The following NFKB1 variants were observed in gnomAD, a reference collection of about 807,000 sequenced individuals.
The protein encoded by NFKB1 is nuclear factor kappa B subunit 1.
A neutral mutation model predicts 105.1 loss-of-function variants in NFKB1; 9 were observed. The observed-to-expected ratio is 0.09, with a 90% CI of 0.05 to 0.15. NFKB1 has a LOEUF of 0.15. Among genes scored for constraint, NFKB1 ranks in the 10% least tolerant of loss-of-function variants. The pLI is 1.00. For synonymous variants in NFKB1, 440 were observed against 442.2 expected (o/e 1.00, Z 0.06); for missense variants, 830 against 1,203.7 (o/e 0.69, Z 4.59).
At chr4:102,537,724 C>G in intron 4 of NFKB1, 134 bp from the exon 5 acceptor site, 1 of 476,494 alleles carries the variant, frequency 2.1e-6, no homozygotes, top group Non-Finnish European at 3.8e-6. Flanking sequence ...GTTTACGGAG[C>G]CCTCTTTCAC....
chr4:102,610,706 G>A lies in NFKB1; in HGVS notation c.2352+7G>A. 6.2e-7 allele frequency: 1 copy of A among 1,613,504 alleles called. No individual in the cohort carries two copies. The highest frequency in any genetic ancestry group is 8.5e-7 in the Non-Finnish European group (1 of 1,179,604). On this transcript the variant is annotated splice_region_variant and intron_variant, in intron 20 of 23. Coordinates refer to ENST00000226574, the MANE Select transcript of NFKB1 (RefSeq NM_003998.4). ...TATGGCCACCAGCTGGCAGGTGAGT[G>A]CCGCTCCATCTGTCTGATGGCTGCC... is the stretch of plus-strand genomic sequence containing the variant.
rs1227469577 is a variant in NFKB1 at position 102,578,924 on chromosome 4, C to A, written c.615C>A (p.Thr205=). 2 of 1,613,952 alleles carry A rather than the reference C, an allele frequency of 1.2e-6. No homozygotes were observed. Among genetic ancestry groups the A allele is most frequent in the African/African-American group, 2.7e-5 (2 of 74,888 alleles). The change falls in exon 8 of 24, where the codon ACC becomes ACA. Residue 205 remains threonine (T), a synonymous_variant. Transcript: ENST00000226574. The part of the protein sequence containing the change: ...ELIRQAALQQ[T]KEMDLSVVRL... Reference sequence around the variant, plus strand: ...TCCGCCAAGCAGCTCTGCAGCAGACCAAGGAGATGGACCTCAGCGTGGTGC... The same window carrying A: ...TCCGCCAAGCAGCTCTGCAGCAGACAAAGGAGATGGACCTCAGCGTGGTGC...
intron 5 of NFKB1, among the ~76,000 whole-genome samples, chr4:102,545,309 C>G (rs897798085): frequency 1.3e-5 from 2 of 152,102 alleles, no homozygotes; most frequent in Non-Finnish European, 2.9e-5. Context: ...TGGACATGGG[C>G]TGGAAAGTGC....
Position 102,578,455 on chromosome 4 carries a change from G to T in NFKB1, c.572-426G>T, listed in dbSNP as rs1041995786. The T allele has an allele frequency of 3.2e-5, 6 of 188,456 alleles. No individual in the cohort carries two copies. In the South Asian group the frequency reaches 7.3e-4, roughly 23 times the overall value. The allele number at this position is 188,456 out of a possible 1,614,324, so 11.7% of individuals were successfully genotyped here. A position where few individuals can be genotyped will look rare whatever the true frequency, so the allele number is the denominator to read the frequency against. On this transcript the variant is annotated intron_variant, in intron 7 of 23. Transcript: ENST00000226574. ...CTACTATGTGCCAGGCTGTCTGCTT[G>T]GCACTGTGGAATGAGCTCACTCCCT...
chr4:102,597,077 AC>A (rs1726679888), intron 14 of NFKB1, among the ~76,000 whole-genome samples: 1 of 152,150 alleles, frequency 6.6e-6, no homozygotes, highest in Admixed American at 6.5e-5. Flanking sequence ...GGCTCATTGA[AC>A]GTCTCTGTTT....
chr4:102,546,210 CT>C (rs1464907205), intron 5 of NFKB1, among the ~76,000 whole-genome samples: 2 of 152,006 alleles, frequency 1.3e-5, no homozygotes, highest in African/African-American at 4.8e-5. Context: ...GTATCTTTAG[CT>C]TTATTTATTC....
chr4:102,527,557 A>C (rs77941271), intron 2 of NFKB1, among the ~76,000 whole-genome samples: 1 of 152,216 alleles, frequency 6.6e-6, no homozygotes, highest in Non-Finnish European at 1.5e-5. Flanking sequence ...TATAGCATTT[A>C]TCACTTCGGG....
At chr4:102,559,254 G>A (rs747050788) in intron 5 of NFKB1, among the ~76,000 whole-genome samples, 1 of 152,110 alleles carries the variant, frequency 6.6e-6, no homozygotes, top group Non-Finnish European at 1.5e-5. Flanking sequence ...AAATATTAAA[G>A]GTTTTTGTTT....
intron 16 of NFKB1, 48 bp downstream of exon 16, chr4:102,601,057 C>T: frequency 8.4e-7 from 1 of 1,192,776 alleles, no homozygotes; most frequent in South Asian, 1.3e-5. Context: ...CTGTAGTTTA[C>T]TTTTTCTTCT....
At chr4:102,581,681 C>T (rs184882301) in intron 9 of NFKB1, among the ~76,000 whole-genome samples, 58 of 152,226 alleles carry the variant, frequency 3.8e-4, no homozygotes, top group African/African-American at 1.4e-3. Context: ...ACTTTCTCTG[C>T]CTACACTAGT....
chr4:102,536,168 T>C (rs1229950210), intron 4 of NFKB1, among the ~76,000 whole-genome samples: 1 of 152,182 alleles, frequency 6.6e-6, no homozygotes, highest in African/African-American at 2.4e-5. Flanking sequence ...TTTTAGAAAT[T>C]TCATTTAATT....
chr4:102,581,993 G>T (rs1308235799), intron 9 of NFKB1, among the ~76,000 whole-genome samples: 1 of 152,134 alleles, frequency 6.6e-6, no homozygotes, highest in African/African-American at 2.4e-5. Flanking sequence ...CAATAGTGTG[G>T]CCCTTTCTAT....
At chr4:102,534,440 G>C (rs1458863188) in intron 4 of NFKB1, among the ~76,000 whole-genome samples, 1 of 152,156 alleles carries the variant, frequency 6.6e-6, no homozygotes, top group East Asian at 1.9e-4. Context: ...CCTCTTTGGA[G>C]TCAGGAGAGG....
chr4:102,531,656 G>A (rs79650652), intron 3 of NFKB1, among the ~76,000 whole-genome samples: 8,807 of 152,152 alleles, frequency 0.058, 284 homozygotes, highest in African/African-American at 0.093. Flanking sequence ...CCAAAAGAAT[G>A]TTGGCCTTAA....
chr4:102,543,184 T>A (rs1193360151), intron 5 of NFKB1, among the ~76,000 whole-genome samples: 1 of 152,048 alleles, frequency 6.6e-6, no homozygotes. Flanking sequence ...GTTTTAAAAA[T>A]CAAACTGTGT....
intron 19 of NFKB1, among the ~76,000 whole-genome samples, chr4:102,609,146 A>G (rs1728120659): frequency 6.7e-6 from 1 of 150,356 alleles, no homozygotes; most frequent in African/African-American, 2.5e-5. Context: ...GAATAAGAAT[A>G]AGACCCTGTC....
intron 5 of NFKB1, among the ~76,000 whole-genome samples, chr4:102,550,450 T>G (rs969603050): frequency 1.3e-5 from 2 of 152,156 alleles, no homozygotes; most frequent in African/African-American, 4.8e-5. Context: ...AATTCATAAT[T>G]CTAATTCCAA....
At chr4:102,503,932 T>A (rs547289914) in intron 1 of NFKB1, among the ~76,000 whole-genome samples, 2 of 152,350 alleles carry the variant, frequency 1.3e-5, no homozygotes, top group South Asian at 4.1e-4. Flanking sequence ...CAGGGATTGC[T>A]CATTGTGGTA....
intron 5 of NFKB1, among the ~76,000 whole-genome samples, chr4:102,555,854 A>G (rs72691878): frequency 6.6e-6 from 1 of 152,212 alleles, no homozygotes; most frequent in African/African-American, 2.4e-5. Context: ...TTATATAGGA[A>G]TGAGAAATTA....
Sources: allele counts gnomAD v4.1 joint callset (sites outside exome capture counted in the v4.1 genomes callset), GRCh38; gene constraint gnomAD v4.1.1; transcripts MANE v1.5; gene names NCBI Gene and HGNC (gene_info 2026-07-23, HGNC 2026-07-21).